The following MAP4K4 variants were observed in gnomAD, a reference collection of about 807,000 sequenced individuals.
MAP4K4 encodes HPK/GCK-like kinase HGK.
In MAP4K4, 38 loss-of-function variants were observed where a neutral mutation model predicts 189.6. That is an observed-to-expected ratio of 0.20 (90% CI 0.15 to 0.26). MAP4K4 has a LOEUF of 0.26. Among genes scored for constraint, MAP4K4 ranks in the 10% least tolerant of loss-of-function variants. The pLI is 1.00. For missense variants in MAP4K4, 1,054 were observed against 1,726.9 expected (o/e 0.61, Z 6.91); for synonymous variants, 610 against 624.3 (o/e 0.98, Z 0.34).
chr2:101,782,503 T>C (rs1558896963), intron 2 of MAP4K4, among the ~76,000 whole-genome samples: 1 of 152,218 alleles, frequency 6.6e-6, no homozygotes, highest in Non-Finnish European at 1.5e-5. Context: ...GCCTGCCTGC[T>C]CATCTGCAGC....
At chr2:101,766,735 A>T (rs1000335503) in intron 2 of MAP4K4, among the ~76,000 whole-genome samples, 1 of 152,152 alleles carries the variant, frequency 6.6e-6, no homozygotes, top group Non-Finnish European at 1.5e-5. Flanking sequence ...GTTCTAGGAA[A>T]TAATTATTTC....
At chr2:101,737,702 A>G (rs2061012347) in intron 2 of MAP4K4, among the ~76,000 whole-genome samples, 1 of 151,548 alleles carries the variant, frequency 6.6e-6, no homozygotes, top group Admixed American at 6.6e-5. Flanking sequence ...CTGGGATTCT[A>G]TGTCTGGAAC....
intron 11 of MAP4K4, among the ~76,000 whole-genome samples, chr2:101,843,509 A>G (rs146705825): frequency 6.6e-6 from 1 of 152,194 alleles, no homozygotes; most frequent in African/African-American, 2.4e-5. Context: ...GAAAAAGGCA[A>G]TTTAAGGAGA....
intron 5 of MAP4K4, among the ~76,000 whole-genome samples, chr2:101,828,457 C>T (rs1228509587): frequency 2.0e-5 from 3 of 152,060 alleles, no homozygotes; most frequent in East Asian, 1.9e-4. Flanking sequence ...GGTATAATAC[C>T]GCACATCCTG....
chr2:101,738,286 A>G (rs1297778207), intron 2 of MAP4K4, among the ~76,000 whole-genome samples: 2 of 152,188 alleles, frequency 1.3e-5, no homozygotes, highest in Non-Finnish European at 1.5e-5. Context: ...AGTTAGGTAA[A>G]CAGCTTCTGA....
At chr2:101,711,974 T>C (rs993816579) in intron 2 of MAP4K4, among the ~76,000 whole-genome samples, 346 of 111,732 alleles carry the variant, frequency 3.1e-3, no homozygotes, top group African/African-American at 0.016. Context: ...TGTCTTGCCC[T>C]TTTTTTTTTT....
intron 14 of MAP4K4, 46 bp downstream of exon 14, chr2:101,859,128 A>G: frequency 6.5e-7 from 1 of 1,545,184 alleles, no homozygotes; most frequent in South Asian, 1.1e-5. Context: ...GGGCTCCTTC[A>G]TCCGTCCCCA....
chr2:101,860,668 T>C, intron 15 of MAP4K4, 157 bp from the exon 16 acceptor site: 4 of 621,670 alleles, frequency 6.4e-6, no homozygotes, highest in Non-Finnish European at 1.1e-5. Context: ...CTAGCACTGC[T>C]TTATGTACCT....
chr2:101,891,357 C>A, exon 33 of MAP4K4: 1 of 876,140 alleles, frequency 1.1e-6, no homozygotes, highest in Non-Finnish European at 1.9e-6. Context: ...ACCAGGACAG[C>A]TGTGTGTGCA....
At position 101,874,245 on chromosome 2, in the gene MAP4K4, C is replaced by T. The variant is rs1231729008; in HGVS notation, c.3234C>T (p.Ala1078=). 10 of 1,607,984 alleles carry T rather than the reference C, an allele frequency of 6.2e-6. No individual in the cohort carries two copies. In the African/African-American group the frequency reaches 6.7e-5, roughly 11 times the overall value. ...TTAACTCTGAGATTCTGTGTGCTGC[C>T]TTATGGGGTAGGTGTCTAGCCACTA... Residue 1078 remains alanine, a synonymous_variant, in exon 26 of 33, where the codon GCC becomes GCT. Transcript: ENST00000324219.
At chr2:101,828,446 C>T (rs947688969) in intron 5 of MAP4K4, among the ~76,000 whole-genome samples, 2 of 152,150 alleles carry the variant, frequency 1.3e-5, no homozygotes, top group African/African-American at 2.4e-5. Context: ...CAGTGCTTTG[C>T]GGTATAATAC....
At chr2:101,881,270 A>G (rs569608154) in intron 27 of MAP4K4, among the ~76,000 whole-genome samples, 47 of 152,254 alleles carry the variant, frequency 3.1e-4, no homozygotes, top group African/African-American at 1.1e-3. Flanking sequence ...TCAAATTCTA[A>G]TGATTTGTTG....
At chr2:101,707,857 ATT>A (rs55877251) in intron 2 of MAP4K4, among the ~76,000 whole-genome samples, 412 of 136,148 alleles carry the variant, frequency 3.0e-3, no homozygotes, top group Middle Eastern at 3.8e-3. Context: ...CGCCTGGCTA[ATT>A]TTTTTTTTTT....
chr2:101,876,084 G>T (rs1346978949), intron 26 of MAP4K4, among the ~76,000 whole-genome samples: 1 of 152,188 alleles, frequency 6.6e-6, no homozygotes, highest in Non-Finnish European at 1.5e-5. Context: ...GTTTTCTCTG[G>T]CTCTAGTGGC....
chr2:101,817,581 T>C (rs572734006), intron 3 of MAP4K4, among the ~76,000 whole-genome samples: 4 of 152,328 alleles, frequency 2.6e-5, no homozygotes, highest in South Asian at 4.1e-4. Context: ...TGCAGTCTCA[T>C]TGAAAGATTC....
intron 3 of MAP4K4, among the ~76,000 whole-genome samples, chr2:101,808,768 A>C (rs2095212300): frequency 1.3e-5 from 2 of 152,144 alleles, no homozygotes; most frequent in South Asian, 4.1e-4. Flanking sequence ...AACTCCTGTT[A>C]AAGCATTAAT....
chr2:101,726,560 C>T (rs13412023), intron 2 of MAP4K4, among the ~76,000 whole-genome samples: 2,255 of 152,080 alleles, frequency 0.015, 58 homozygotes, highest in African/African-American at 0.051. Context: ...GTAAGTGGCC[C>T]TCAGTTTACT....
At chr2:101,826,686 G>C (rs1206932901) in intron 5 of MAP4K4, among the ~76,000 whole-genome samples, 2 of 152,142 alleles carry the variant, frequency 1.3e-5, no homozygotes, top group East Asian at 3.9e-4. Context: ...CTGGGTTTGA[G>C]TCCTACCTCT....
chr2:101,870,316 T>A, exon 23 of MAP4K4: 1 of 1,613,120 alleles, frequency 6.2e-7, no homozygotes, highest in Non-Finnish European at 8.5e-7. Flanking sequence ...ATTTGAGCAA[T>A]GGTGAAACGG....
Sources: gnomAD v4.1 joint callset for allele counts (sites outside exome capture counted in the v4.1 genomes callset) on GRCh38, gnomAD v4.1.1 for gene constraint, MANE v1.5 for transcripts, NCBI Gene and HGNC (gene_info 2026-07-23, HGNC 2026-07-21) for gene names.